Variants in CWH43 observed in about 807,000 individuals in gnomAD.
The protein encoded by CWH43 is PGAP2-interacting protein.
A neutral mutation model predicts 85.7 loss-of-function variants in CWH43; 91 were observed. That is an observed-to-expected ratio of 1.06 (90% confidence interval 0.90 to 1.26). The LOEUF is 1.26. CWH43 is among the 50% of genes most tolerant of loss of function. The probability of loss-of-function intolerance (pLI) is 0.00; values close to 1 mark genes in which losing one functional copy is unlikely to be tolerated. For missense variants in CWH43, 869 were observed against 839.2 expected (o/e 1.04, Z -0.44); for synonymous variants, 323 against 293.6 (o/e 1.10, Z -1.02).
At chr4:49,041,828 T>G (rs1443550393) in intron 13 of CWH43, among the ~76,000 whole-genome samples, 3 of 152,196 alleles carry the variant, frequency 2.0e-5, no homozygotes, top group Admixed American at 2.0e-4. Context: ...TGCCAGTTCC[T>G]CTGAAGGCAA....
chr4:49,044,628 G>T (rs1426656974), intron 13 of CWH43, among the ~76,000 whole-genome samples, 158 bp from the exon 14 acceptor site: 1 of 152,160 alleles, frequency 6.6e-6, no homozygotes, highest in Admixed American at 6.6e-5. Context: ...TATGTAGAAT[G>T]AGCAAATAAT....
chr4:48,988,477 G>A lies in CWH43; in HGVS notation c.44G>A (p.Gly15Glu), dbSNP rs1782559389. The A allele has an allele frequency of 1.3e-6, 2 of 1,552,534 alleles. No individual in the cohort carries two copies. Among genetic ancestry groups the A allele is most frequent in the African/African-American group, 1.4e-5 (1 of 70,892 alleles). ...TCTTTAACTTTTTTTTTTTTTGTAGGATGTGTTTCTTGGTCTCTCTACCAT... is the reference window on the plus strand; with the variant it reads ...TCTTTAACTTTTTTTTTTTTTGTAGAATGTGTTTCTTGGTCTCTCTACCAT... ...WREILLESLL[G>E]CVSWSLYHDL... Residue 15 changes from glycine (G) to glutamate (E), a missense_variant and splice_region_variant, in exon 2 of 16, where the codon GGA becomes GAA. Coordinates refer to ENST00000226432, the MANE Select transcript of CWH43 (RefSeq NM_025087.3).
At chr4:49,020,416 C>CACGCACACACACACATAT (rs140534523) in intron 9 of CWH43, among the ~76,000 whole-genome samples, 1 of 128,340 alleles carries the variant, frequency 7.8e-6, no homozygotes, top group Non-Finnish European at 1.7e-5. Flanking sequence ...CACACACACA[C>CACGCACACACACACATAT]ATATATATAT....
intron 15 of CWH43, among the ~76,000 whole-genome samples, chr4:49,056,867 A>T (rs1784980867): frequency 6.6e-6 from 1 of 152,100 alleles, no homozygotes; most frequent in African/African-American, 2.4e-5. Context: ...TATTTGTCTC[A>T]ACATAATTTA....
chr4:49,000,800 TTTG>T (rs1465913422), intron 6 of CWH43, among the ~76,000 whole-genome samples: 1 of 150,628 alleles, frequency 6.6e-6, no homozygotes, highest in Admixed American at 6.8e-5. Context: ...CTAATCTAGT[TTTG>T]TTGTCTCTCT....
chr4:48,989,801 A>G (rs947827771), intron 2 of CWH43, among the ~76,000 whole-genome samples: 23 of 152,350 alleles, frequency 1.5e-4, no homozygotes, highest in African/African-American at 5.5e-4. Context: ...CCTTTACAAA[A>G]TTGGTGTCCA....
Position 49,016,773 on chromosome 4 carries a change from C to G in CWH43, c.1187-476C>G. ...AGCTTCCCTTGCATCTAGCTTCTTCCCAATGCAGGTGATTACTCCAAGTCC... is the reference window on the plus strand; with the variant it reads ...AGCTTCCCTTGCATCTAGCTTCTTCGCAATGCAGGTGATTACTCCAAGTCC... On this transcript the variant is annotated intron_variant, in intron 8 of 15. Coordinates refer to ENST00000226432, the MANE Select transcript of CWH43 (RefSeq NM_025087.3). 4 of 776,804 alleles carry G rather than the reference C, an allele frequency of 5.1e-6. No individual in the cohort carries two copies. In the Admixed American group the frequency reaches 6.8e-5, roughly 13 times the overall value. 48.1% of individuals were successfully genotyped at this position (776,804 alleles called of 1,614,324 possible). A position where few individuals can be genotyped will look rare whatever the true frequency, so the allele number is the denominator to read the frequency against.
intron 13 of CWH43, among the ~76,000 whole-genome samples, chr4:49,039,249 A>G (rs1192763165): frequency 1.6e-5 from 2 of 127,698 alleles, no homozygotes; most frequent in Non-Finnish European, 3.3e-5. Context: ...TTGTCAGTGT[A>G]CCAGAATATA....
chr4:49,015,517 G>A (rs1783518288), intron 8 of CWH43, among the ~76,000 whole-genome samples: 1 of 151,952 alleles, frequency 6.6e-6, no homozygotes, highest in Admixed American at 6.6e-5. Context: ...TGATATATCT[G>A]GATGCAGATT....
intron 8 of CWH43, chr4:49,016,647 G>A: frequency 1.3e-6 from 1 of 754,674 alleles, no homozygotes; most frequent in East Asian, 2.5e-5. Flanking sequence ...TCAGAAGCAT[G>A]TGCAGGGGAG....
chr4:48,992,178 G>A lies in CWH43; in HGVS notation c.511+88G>A, dbSNP rs1323061260. The A allele has an allele frequency of 8.7e-7, 1 of 1,153,244 alleles. No individual in the cohort carries two copies. The highest frequency in any genetic ancestry group is 1.2e-6 in the Non-Finnish European group (1 of 801,326). The allele number at this position is 1,153,244 out of a possible 1,614,324, so 71.4% of individuals were successfully genotyped here. On this transcript the variant is annotated intron_variant, in intron 4 of 15. Transcript: ENST00000226432. This position sits in a 1 kb window ranked among gnomAD's most constrained non-coding sequence, Gnocchi z 4.3. ...CATCTTGGAAAGAAAATCTATAAAA[G>A]TAGTCTTTCTGCATTATATCTATAT...
chr4:49,043,007 C>T lies in CWH43; in HGVS notation c.1804-1779C>T, dbSNP rs115696122. ...AGGGTCTAAGATAGCCCCACACAGGCGTCTGGGCCCTGGTGCTGGACCTCT... is the reference window on the plus strand; with the variant it reads ...AGGGTCTAAGATAGCCCCACACAGGTGTCTGGGCCCTGGTGCTGGACCTCT... On this transcript the variant is annotated intron_variant, in intron 13 of 15. Coordinates refer to ENST00000226432, the MANE Select transcript of CWH43 (RefSeq NM_025087.3). 3.4e-3 allele frequency among the ~76,000 whole-genome samples: 524 copies of T among 152,240 alleles called. 3 individuals are homozygous for T. The highest frequency in any genetic ancestry group is 0.012 in the African/African-American group (502 of 41,542).
chr4:49,048,500 A>G (rs1001154860), intron 14 of CWH43, among the ~76,000 whole-genome samples: 1 of 152,102 alleles, frequency 6.6e-6, no homozygotes, highest in African/African-American at 2.4e-5. Flanking sequence ...AACAACAGAA[A>G]TTAATTTTCT....
At chr4:49,045,730 T>C (rs1306461519) in intron 14 of CWH43, among the ~76,000 whole-genome samples, 8 of 152,146 alleles carry the variant, frequency 5.3e-5, no homozygotes, top group Admixed American at 5.2e-4. Flanking sequence ...TTTAAATATA[T>C]TTTTATTTTT....
intron 15 of CWH43, among the ~76,000 whole-genome samples, chr4:49,058,264 T>C (rs1337241148): frequency 2.6e-5 from 4 of 152,096 alleles, no homozygotes; most frequent in African/African-American, 9.7e-5. Flanking sequence ...CTACTATAGG[T>C]TTTTTATTTG....
intron 15 of CWH43, among the ~76,000 whole-genome samples, chr4:49,060,554 T>C (rs1251526706): frequency 6.6e-6 from 1 of 152,150 alleles, no homozygotes; most frequent in African/African-American, 2.4e-5. Flanking sequence ...GGGTGCTTAC[T>C]TCACTCATTT....
At chr4:49,056,942 C>T (rs1381921790) in intron 15 of CWH43, among the ~76,000 whole-genome samples, 2 of 152,168 alleles carry the variant, frequency 1.3e-5, no homozygotes, top group South Asian at 2.1e-4. Flanking sequence ...TTAATTTCTA[C>T]ATATTTGTGA....
chr4:49,017,898 G>T (rs776584574), intron 9 of CWH43, among the ~76,000 whole-genome samples: 1 of 151,788 alleles, frequency 6.6e-6, no homozygotes, highest in African/African-American at 2.4e-5. Context: ...GCAGTGGTGC[G>T]ATCTTGGCTC....
chr4:49,049,393 C>G (rs1217351906), intron 14 of CWH43, among the ~76,000 whole-genome samples: 1 of 152,152 alleles, frequency 6.6e-6, no homozygotes, highest in African/African-American at 2.4e-5. Flanking sequence ...TCATCTTTTA[C>G]CTAAGTTATT....
Sources: gnomAD v4.1 joint callset for allele counts (sites outside exome capture counted in the v4.1 genomes callset) on GRCh38, gnomAD v4.1.1 for gene constraint, Gnocchi (gnomAD v3.1) non-coding constraint, MANE v1.5 for transcripts, NCBI Gene and HGNC (gene_info 2026-07-23, HGNC 2026-07-21) for gene names.